The following DSCAML1 variants were observed in gnomAD, a reference collection of about 807,000 sequenced individuals.
DSCAML1 encodes the protein DS cell adhesion molecule like 1.
In DSCAML1, 38 loss-of-function variants were observed where a neutral mutation model predicts 200.5. The observed-to-expected ratio is 0.19, with a 90% CI of 0.15 to 0.25. The LOEUF (loss-of-function observed/expected upper bound fraction) is 0.25. DSCAML1 is among the 10% of genes least tolerant of loss of function. DSCAML1 has a pLI of 1.00. For missense variants in DSCAML1, 2,223 were observed against 2,858.8 expected (o/e 0.78, Z 5.07); for synonymous variants, 1,215 against 1,165.0 (o/e 1.04, Z -0.87).
chr11:117,509,473 C>T (rs2049575620), intron 8 of DSCAML1, among the ~76,000 whole-genome samples: 1 of 152,186 alleles, frequency 6.6e-6, no homozygotes, highest in Admixed American at 6.5e-5. Flanking sequence ...AGGCCCAAGG[C>T]AGGCTCCTCG....
intron 3 of DSCAML1, among the ~76,000 whole-genome samples, chr11:117,662,205 G>A (rs1157870470): frequency 1.3e-5 from 2 of 152,210 alleles, no homozygotes; most frequent in African/African-American, 2.4e-5. Flanking sequence ...CAAGTGCCAT[G>A]TTTTTTTAAA....
chr11:117,799,772 T>A (rs143143392), upstream of DSCAML1, among the ~76,000 whole-genome samples: 15 of 152,300 alleles, frequency 9.8e-5, no homozygotes, highest in African/African-American at 3.4e-4. Context: ...AATGGGGACA[T>A]CCCCAGCATC....
intron 1 of DSCAML1, among the ~76,000 whole-genome samples, chr11:117,809,909 ACAC>A (rs1225333832): frequency 6.9e-6 from 1 of 145,594 alleles, no homozygotes; most frequent in Non-Finnish European, 1.5e-5. Context: ...ACACTCACAC[ACAC>A]ATTCACACAT....
intron 3 of DSCAML1, among the ~76,000 whole-genome samples, chr11:117,755,188 A>G (rs944889704): frequency 9.9e-5 from 15 of 152,112 alleles, no homozygotes; most frequent in African/African-American, 3.4e-4. Flanking sequence ...TTCCTTCTCT[A>G]TGGATCCCCT....
Position 117,573,112 on chromosome 11 carries a change from C to T in DSCAML1, c.512-40590G>A, listed in dbSNP as rs533024646. ...GGAGCTCAAGTTTACACTGCTTCTA[C>T]GTGGCACCAGCTAGCACTCGAAGCT... On this transcript the variant is annotated intron_variant, in intron 3 of 32. Coordinates refer to ENST00000651296, the MANE Select transcript of DSCAML1 (RefSeq NM_020693.4). Among the ~76,000 whole-genome samples, 5 of 152,332 alleles carry T rather than the reference C, an allele frequency of 3.3e-5. No individual in the cohort carries two copies. The East Asian group carries it at 7.7e-4, about 23-fold the overall frequency.
intron 3 of DSCAML1, among the ~76,000 whole-genome samples, chr11:117,617,680 GCACACACACACACACACACACACACA>G (rs36207373): frequency 2.1e-5 from 3 of 142,910 alleles, no homozygotes; most frequent in African/African-American, 7.9e-5. Flanking sequence ...ACAGGTACAC[GCACACACACACACACACACACACACA>G]CACACACACA....
rs142228671 is a variant in DSCAML1, at chr11:117,646,807, G to A, written c.512-114285C>T. Among the ~76,000 whole-genome samples the A allele has an allele frequency of 4.2e-3, 631 of 150,884 alleles. 5 individuals are homozygous for A. The highest frequency in any genetic ancestry group is 0.014 in the African/African-American group (587 of 41,236). The stretch of plus-strand genomic sequence containing the variant: ...TCACCAGCAGGCCACGGGTATTAAC[G>A]TCCCAAGAATATATGAGTTCAAAAG... On this transcript the variant is annotated intron_variant, in intron 3 of 32. Transcript: ENST00000651296.
intron 3 of DSCAML1, among the ~76,000 whole-genome samples, chr11:117,571,048 G>A (rs2050840466): frequency 6.6e-6 from 1 of 152,232 alleles, no homozygotes; most frequent in Non-Finnish European, 1.5e-5. Flanking sequence ...ATGATGTTTT[G>A]CTGGGCACCA....
At chr11:117,526,080 T>A (rs2049973008) in intron 4 of DSCAML1, among the ~76,000 whole-genome samples, 1 of 152,372 alleles carries the variant, frequency 6.6e-6, no homozygotes, top group Middle Eastern at 3.4e-3. Flanking sequence ...GGCAGGATTC[T>A]GTGTGCAATG....
chr11:117,563,080 G>A lies in DSCAML1; in HGVS notation c.512-30558C>T, dbSNP rs142615003. Among the ~76,000 whole-genome samples, 1,474 of 152,270 alleles carry A rather than the reference G, an allele frequency of 9.7e-3. 21 individuals are homozygous for A. The highest frequency in any genetic ancestry group is 0.033 in the African/African-American group (1,374 of 41,534). On this transcript the variant is annotated intron_variant, in intron 3 of 32. Transcript: ENST00000651296. ...AACTGCTTGCTGAAATGAAGTGAAC[G>A]CCAAGAGCAGTCACTGCAGCACCAA...
At chr11:117,561,383 T>C (rs1453384437) in intron 3 of DSCAML1, among the ~76,000 whole-genome samples, 2 of 152,234 alleles carry the variant, frequency 1.3e-5, no homozygotes, top group East Asian at 3.9e-4. Flanking sequence ...TTGTGCCAGA[T>C]GACTCTTCAG....
chr11:117,712,709 TGCTCAATCAC>T (rs1016990180), intron 3 of DSCAML1, among the ~76,000 whole-genome samples: 10 of 152,128 alleles, frequency 6.6e-5, no homozygotes, highest in African/African-American at 2.4e-4. Flanking sequence ...GCTGCAACCC[TGCTCAATCAC>T]GCTCAATCAC....
At chr11:117,787,097 T>C (rs2055370036) in intron 1 of DSCAML1, among the ~76,000 whole-genome samples, 1 of 152,182 alleles carries the variant, frequency 6.6e-6, no homozygotes, top group Non-Finnish European at 1.5e-5. Context: ...CACCCTCTGG[T>C]ACCAGGCTCC....
chr11:117,469,964 G>T lies in DSCAML1; in HGVS notation c.2970C>A (p.Pro990=). 1 of 1,605,326 alleles carries T rather than the reference G, an allele frequency of 6.2e-7. No individual in the cohort carries two copies. The part of the protein sequence containing the change: ...STEEAAPDGP[P]MDVTLQPVTS... ...TCACTGGCTGCAAGGTAACATCCAT[G>T]GGGGGCCCATCGGGAGCTGAGCAGG... Residue 990 remains proline, a synonymous_variant, in exon 16 of 33, where the codon CCC becomes CCA. Coordinates refer to ENST00000651296, the MANE Select transcript of DSCAML1 (RefSeq NM_020693.4). This position sits in a 1 kb window ranked among gnomAD's most constrained non-coding sequence, Gnocchi z 4.1.
At chr11:117,610,422 G>A (rs1396673334) in intron 3 of DSCAML1, among the ~76,000 whole-genome samples, 1 of 152,132 alleles carries the variant, frequency 6.6e-6, no homozygotes, top group Non-Finnish European at 1.5e-5. Flanking sequence ...TCTGACAAAT[G>A]AGTTGCTAAG....
At chr11:117,648,760 C>T (rs2052570858) in intron 3 of DSCAML1, among the ~76,000 whole-genome samples, 2 of 152,174 alleles carry the variant, frequency 1.3e-5, no homozygotes, top group Non-Finnish European at 2.9e-5. Context: ...AGCACCTAAC[C>T]CCAGGCTTTA....
At chr11:117,706,129 C>T (rs947762668) in intron 3 of DSCAML1, among the ~76,000 whole-genome samples, 16 of 152,188 alleles carry the variant, frequency 1.1e-4, no homozygotes, top group African/African-American at 3.9e-4. Flanking sequence ...AGCAGCTCAT[C>T]TCCTCACACC....
intron 3 of DSCAML1, among the ~76,000 whole-genome samples, chr11:117,650,275 T>C (rs888554844): frequency 2.6e-5 from 4 of 152,174 alleles, no homozygotes; most frequent in Non-Finnish European, 5.9e-5. Flanking sequence ...CAGCTAGAGA[T>C]GCTTCACGTA....
chr11:117,652,789 C>T (rs2052660842), intron 3 of DSCAML1, among the ~76,000 whole-genome samples: 1 of 152,174 alleles, frequency 6.6e-6, no homozygotes, highest in Admixed American at 6.5e-5. Context: ...CTCCCCATTG[C>T]CACCCCCTCA....
Sources: allele counts gnomAD v4.1 joint callset (sites outside exome capture counted in the v4.1 genomes callset), GRCh38; gene constraint gnomAD v4.1.1; non-coding constraint Gnocchi (gnomAD v3.1); transcripts MANE v1.5; gene names NCBI Gene and HGNC (gene_info 2026-07-23, HGNC 2026-07-21).